The following CDK6 variants were observed in gnomAD, a reference collection of about 807,000 sequenced individuals.
The protein encoded by CDK6 is cyclin-dependent kinase 6.
CDK6 carries 6 observed loss-of-function variants against 37.1 expected under a neutral mutation model. That is an observed-to-expected ratio of 0.16 (90% CI 0.09 to 0.32). CDK6 has a LOEUF of 0.32. Ranked by LOEUF, CDK6 falls within the 10% of genes least tolerant of loss-of-function variation. CDK6 has a pLI of 1.00. For synonymous variants in CDK6, 160 were observed against 161.3 expected (o/e 0.99, Z 0.06); for missense variants, 224 against 418.9 (o/e 0.53, Z 4.06).
chr7:92,803,001 G>A (rs550855412), intron 2 of CDK6, among the ~76,000 whole-genome samples: 6 of 152,276 alleles, frequency 3.9e-5, no homozygotes, highest in African/African-American at 7.2e-5. Flanking sequence ...GTCATTCTGC[G>A]TTCTTACAGT....
intron 4 of CDK6, among the ~76,000 whole-genome samples, chr7:92,712,485 C>T (rs1202156685): frequency 6.6e-6 from 1 of 152,094 alleles, no homozygotes; most frequent in Non-Finnish European, 1.5e-5. Context: ...ACAAAAATTA[C>T]AAATGATAAG....
intron 4 of CDK6, among the ~76,000 whole-genome samples, chr7:92,676,447 C>T (rs139782636): frequency 2.5e-3 from 383 of 152,090 alleles, no homozygotes; most frequent in African/African-American, 8.9e-3. Flanking sequence ...AATGGAAGTA[C>T]TGTCTTTGTA....
intron 3 of CDK6, among the ~76,000 whole-genome samples, chr7:92,727,259 T>C (rs1213038228): frequency 2.0e-5 from 3 of 152,174 alleles, no homozygotes; most frequent in African/African-American, 7.2e-5. Flanking sequence ...CCACCATGGA[T>C]TTCAGAGCTG....
intron 2 of CDK6, among the ~76,000 whole-genome samples, chr7:92,797,139 G>A (rs1425042791): frequency 1.3e-5 from 2 of 152,136 alleles, no homozygotes; most frequent in Non-Finnish European, 2.9e-5. Flanking sequence ...GCTCAACCCT[G>A]TCATAGGTGA....
chr7:92,605,952 A>G lies in CDK6; in HGVS notation c.*9188T>C, dbSNP rs568151280. The G allele has an allele frequency of 2.1e-5, 5 of 233,568 alleles. No individual in the cohort carries two copies. Among genetic ancestry groups the G allele is most frequent in the Non-Finnish European group, 3.4e-5 (4 of 118,006 alleles). The allele number at this position is 233,568 out of a possible 1,614,324, so 14.5% of individuals were successfully genotyped here. On this transcript the variant is annotated 3_prime_UTR_variant, in exon 8 of 8. Transcript: ENST00000424848. ...CAACATTCTTATAAGACTGTGTCCC[A>G]GGCAGTGAATTTCCACACTGCTTCT...
chr7:92,825,718 T>C (rs2116000029), intron 2 of CDK6, among the ~76,000 whole-genome samples: 1 of 152,220 alleles, frequency 6.6e-6, no homozygotes, highest in Admixed American at 6.5e-5. Flanking sequence ...CCAAAGAAAT[T>C]AAAATTAATG....
intron 4 of CDK6, among the ~76,000 whole-genome samples, chr7:92,692,662 G>A (rs977048453): frequency 4.6e-5 from 7 of 152,038 alleles, no homozygotes; most frequent in Admixed American, 2.0e-4. Context: ...GTGCGTGCCC[G>A]TGGTCCCGGC....
intron 4 of CDK6, among the ~76,000 whole-genome samples, chr7:92,673,929 C>A (rs1330774349): frequency 4.6e-5 from 7 of 152,032 alleles, no homozygotes; most frequent in Non-Finnish European, 1.5e-5. Flanking sequence ...AGGCGCACGC[C>A]ACCACACCCG....
At chr7:92,723,595 G>A (rs1798417785) in intron 4 of CDK6, among the ~76,000 whole-genome samples, 1 of 151,940 alleles carries the variant, frequency 6.6e-6, no homozygotes, top group African/African-American at 2.4e-5. Flanking sequence ...CAAAAGAGTG[G>A]GGAAATTTTA....
In CDK6 at chr7:92,833,094, A is replaced by G. The variant is rs2116031279; in HGVS notation, c.230T>C (p.Val77Ala). ...AGGGCGCAGCTCCCTGGCTCACCTG[A>G]CCACGTTGGGGTGCTCGAAGGTCTC... ...HLETFEHPNVVRLFDVCTVSR... is the reference protein window; with the variant it reads ...HLETFEHPNVARLFDVCTVSR... The change falls in exon 2 of 8, where the codon GTC becomes GCC. Residue 77 changes from valine to alanine, a missense_variant. Physicochemically the swap from Val to Ala is moderately conservative, Grantham distance 64. Transcript: ENST00000424848. The surrounding 1 kb of genome is among the most constrained non-coding windows in gnomAD (Gnocchi z 6.1). 6.3e-7 allele frequency: 1 copy of G among 1,582,958 alleles called. No homozygotes were observed. The highest frequency in any genetic ancestry group is 8.6e-7 in the Non-Finnish European group (1 of 1,165,548).
At chr7:92,774,382 T>A (rs956273247) in intron 3 of CDK6, among the ~76,000 whole-genome samples, 167 of 152,220 alleles carry the variant, frequency 1.1e-3, no homozygotes, top group Non-Finnish European at 7.5e-4. Flanking sequence ...TACTAAACTA[T>A]GTTTCCTAAG....
intron 4 of CDK6, among the ~76,000 whole-genome samples, chr7:92,681,326 G>C (rs568298039): frequency 2.6e-5 from 4 of 152,272 alleles, no homozygotes; most frequent in African/African-American, 7.2e-5. Flanking sequence ...CAGTAAACAG[G>C]GGGGCTGTGT....
intron 4 of CDK6, among the ~76,000 whole-genome samples, chr7:92,674,336 T>C (rs1440444652): frequency 1.3e-5 from 2 of 152,186 alleles, no homozygotes; most frequent in African/African-American, 4.8e-5. Context: ...CCTTGTAACA[T>C]AGCTCATAAT....
At chr7:92,725,401 C>A in intron 4 of CDK6, 1 of 853,094 alleles carries the variant, frequency 1.2e-6, no homozygotes, top group Non-Finnish European at 1.4e-6. Context: ...ATGCAACAGG[C>A]TATTTCTGCA....
chr7:92,734,647 G>A (rs971798388), intron 3 of CDK6, among the ~76,000 whole-genome samples: 1 of 152,114 alleles, frequency 6.6e-6, no homozygotes, highest in African/African-American at 2.4e-5. Flanking sequence ...AATCTATGAA[G>A]GCCATTAGCT....
chr7:92,674,693 T>C (rs1284401208), intron 4 of CDK6, among the ~76,000 whole-genome samples: 1 of 152,206 alleles, frequency 6.6e-6, no homozygotes, highest in Non-Finnish European at 1.5e-5. Context: ...TCCACTTGAG[T>C]GGTTGACAGA....
chr7:92,827,832 A>T (rs1031683290), intron 2 of CDK6, among the ~76,000 whole-genome samples: 9 of 152,182 alleles, frequency 5.9e-5, no homozygotes, highest in Non-Finnish European at 1.3e-4. Flanking sequence ...ATGAAGACAG[A>T]GCAACTCATC....
intron 5 of CDK6, among the ~76,000 whole-genome samples, chr7:92,671,006 T>G (rs888811055): frequency 7.9e-5 from 12 of 152,286 alleles, no homozygotes; most frequent in African/African-American, 2.6e-4. Flanking sequence ...CTAAATATTG[T>G]TTTTTTCAAC....
intron 5 of CDK6, among the ~76,000 whole-genome samples, chr7:92,641,847 C>T (rs1350892791): frequency 6.6e-6 from 1 of 152,168 alleles, no homozygotes; most frequent in Admixed American, 6.5e-5. Flanking sequence ...CTTTACTTGA[C>T]TAAAACCAGT....
Sources: gnomAD v4.1 joint callset for allele counts (sites outside exome capture counted in the v4.1 genomes callset) on GRCh38, gnomAD v4.1.1 for gene constraint, Gnocchi (gnomAD v3.1) non-coding constraint, MANE v1.5 for transcripts, NCBI Gene and HGNC (gene_info 2026-07-23, HGNC 2026-07-21) for gene names.